Variants in GRM7 observed in about 807,000 individuals in gnomAD.
The protein encoded by GRM7 is metabotropic glutamate receptor 7.
In GRM7, 35 loss-of-function variants were observed where a neutral mutation model predicts 84.5. The ratio of observed to expected loss-of-function variants is 0.41; its 90% CI spans 0.32 to 0.55. The LOEUF (loss-of-function observed/expected upper bound fraction) is 0.55, where lower values mean the gene tolerates loss of function less well. Among genes scored for constraint, GRM7 ranks in the 20% least tolerant of loss-of-function variants. The pLI is 0.19. For synonymous variants in GRM7, 487 were observed against 455.1 expected, an observed-to-expected ratio of 1.07 and a Z score of -0.89; for missense variants, 1,003 against 1,194.6, an observed-to-expected ratio of 0.84 and a Z score of 2.36.
At chr3:7,547,182 A>G (rs1020494025) in intron 7 of GRM7, among the ~76,000 whole-genome samples, 1 of 143,754 alleles carries the variant, frequency 7.0e-6, no homozygotes, top group Admixed American at 6.9e-5. Context: ...CACAGCCCCC[A>G]GAGAGTGAAT....
chr3:7,272,574 T>C (rs75303994), intron 2 of GRM7, among the ~76,000 whole-genome samples: 1,940 of 152,264 alleles, frequency 0.013, 49 homozygotes, highest in African/African-American at 0.045. Context: ...GTGGGAGTTT[T>C]GGCAGATTGT....
chr3:7,092,898 C>T (rs1321576645), intron 1 of GRM7, among the ~76,000 whole-genome samples: 3 of 152,150 alleles, frequency 2.0e-5, no homozygotes, highest in Non-Finnish European at 4.4e-5. Flanking sequence ...GCCTGGACAA[C>T]ATAGTGACAC....
At chr3:7,454,279 G>GA (rs1433901180) in intron 6 of GRM7, among the ~76,000 whole-genome samples, 2 of 152,124 alleles carry the variant, frequency 1.3e-5, no homozygotes, top group Admixed American at 1.3e-4. Context: ...AGAGATAAGT[G>GA]AAAAAATGGG....
chr3:7,318,757 GT>G (rs1700670147), intron 4 of GRM7, among the ~76,000 whole-genome samples: 1 of 151,910 alleles, frequency 6.6e-6, no homozygotes, highest in Non-Finnish European at 1.5e-5. Flanking sequence ...AGTAGAAACT[GT>G]TTTTTCCTTA....
At chr3:7,594,119 T>C (rs993278625) in intron 8 of GRM7, among the ~76,000 whole-genome samples, 1 of 152,164 alleles carries the variant, frequency 6.6e-6, no homozygotes, top group African/African-American at 2.4e-5. Context: ...TCTTTCCTCC[T>C]TTCTTCTGAA....
chr3:7,317,691 A>T (rs189837809), intron 4 of GRM7, among the ~76,000 whole-genome samples: 1 of 152,154 alleles, frequency 6.6e-6, no homozygotes, highest in Non-Finnish European at 1.5e-5. Context: ...TAGTGCTTTC[A>T]TATAGAAAAT....
At chr3:6,972,744 G>A (rs1183563819) in intron 1 of GRM7, among the ~76,000 whole-genome samples, 1 of 152,174 alleles carries the variant, frequency 6.6e-6, no homozygotes, top group South Asian at 2.1e-4. Context: ...GTTAGGCAGA[G>A]ATGGTTAGGA....
At chr3:7,615,443 C>T (rs549065845) in intron 8 of GRM7, among the ~76,000 whole-genome samples, 1 of 151,782 alleles carries the variant, frequency 6.6e-6, no homozygotes, top group Non-Finnish European at 1.5e-5. Context: ...CCATTAAAAC[C>T]TCTACACTAA....
At chr3:6,970,749 G>T (rs1254818144) in intron 1 of GRM7, among the ~76,000 whole-genome samples, 1 of 152,194 alleles carries the variant, frequency 6.6e-6, no homozygotes, top group Non-Finnish European at 1.5e-5. Flanking sequence ...GGAGGCCGAG[G>T]CGGGCGGATC....
At chr3:7,403,272 T>C (rs1046735073) in intron 4 of GRM7, 6 of 220,934 alleles carry the variant, frequency 2.7e-5, no homozygotes, top group Admixed American at 2.5e-4. Context: ...TATATACACA[T>C]GAAAGTGATT....
chr3:7,614,690 T>C (rs1182800072), intron 8 of GRM7, among the ~76,000 whole-genome samples: 1 of 152,168 alleles, frequency 6.6e-6, no homozygotes, highest in Non-Finnish European at 1.5e-5. Context: ...GTTAGACAAT[T>C]TTTTTAGTTA....
At chr3:7,729,421 G>T (rs1702233921) in intron 9 of GRM7, among the ~76,000 whole-genome samples, 2 of 152,226 alleles carry the variant, frequency 1.3e-5, no homozygotes, top group Non-Finnish European at 2.9e-5. Flanking sequence ...CTAAGTGCAA[G>T]AAGGCTATGA....
At chr3:6,963,732 A>G (rs1693392206) in intron 1 of GRM7, among the ~76,000 whole-genome samples, 1 of 152,184 alleles carries the variant, frequency 6.6e-6, no homozygotes, top group Non-Finnish European at 1.5e-5. Flanking sequence ...AATTGGTAAC[A>G]TTTTATTCCT....
At position 6,863,492 on chromosome 3, in the gene GRM7, C is replaced by G. The variant is rs1694835540; in HGVS notation, c.519+1585C>G. On this transcript the variant is annotated intron_variant, in intron 1 of 9. Coordinates refer to ENST00000357716, the MANE Select transcript of GRM7 (RefSeq NM_000844.4). This position sits in a 1 kb window ranked among gnomAD's most constrained non-coding sequence, Gnocchi z 4.8. ...TCCAAGGCTGCAGCTTGCATGGCCC[C>G]TCTGATCCTCTGAGCATCTCTGACA... Among the ~76,000 whole-genome samples the G allele has an allele frequency of 6.6e-6, 1 of 152,176 alleles. No individual in the cohort carries two copies. The highest frequency in any genetic ancestry group is 2.4e-5 in the African/African-American group (1 of 41,426).
intron 4 of GRM7, among the ~76,000 whole-genome samples, chr3:7,350,234 A>T (rs1395219576): frequency 6.6e-6 from 1 of 152,094 alleles, no homozygotes; most frequent in Non-Finnish European, 1.5e-5. Flanking sequence ...TGAGCTTGTT[A>T]ATTGATATGG....
chr3:7,421,208 T>A (rs1485028541), intron 5 of GRM7, among the ~76,000 whole-genome samples: 1 of 152,150 alleles, frequency 6.6e-6, no homozygotes, highest in Non-Finnish European at 1.5e-5. Context: ...AGAACAAAAA[T>A]TTAACCTCTT....
intron 1 of GRM7, among the ~76,000 whole-genome samples, chr3:7,084,598 TG>T (rs1158589244): frequency 2.6e-5 from 4 of 152,238 alleles, no homozygotes; most frequent in Admixed American, 2.0e-4. Context: ...GAGAAGATCC[TG>T]GGAGGAGCTG....
At chr3:7,224,424 T>TTCCA (rs1298404078) in intron 2 of GRM7, among the ~76,000 whole-genome samples, 2 of 152,170 alleles carry the variant, frequency 1.3e-5, no homozygotes, top group Non-Finnish European at 2.9e-5. Flanking sequence ...CAGGCCCCAC[T>TTCCA]TCCAACATTG....
At chr3:7,546,261 A>G (rs1693143901) in intron 7 of GRM7, among the ~76,000 whole-genome samples, 1 of 152,216 alleles carries the variant, frequency 6.6e-6, no homozygotes, top group Non-Finnish European at 1.5e-5. Context: ...TCTGCATTCT[A>G]TGCCTAACAT....
Sources: allele counts gnomAD v4.1 joint callset (sites outside exome capture counted in the v4.1 genomes callset), GRCh38; gene constraint gnomAD v4.1.1; non-coding constraint Gnocchi (gnomAD v3.1); transcripts MANE v1.5; gene names NCBI Gene and HGNC (gene_info 2026-07-23, HGNC 2026-07-21).